The following DCAF8L2 variants were observed in gnomAD, a reference collection of about 807,000 sequenced individuals.
DCAF8L2 encodes the protein DDB1 and CUL4 associated factor 8 like 2, also known as DDB1- and CUL4-associated factor 8-like protein 2.
For synonymous variants in DCAF8L2, 200 were observed against 190.9 expected (o/e 1.05, Z -0.39); for missense variants, 430 against 490.7 (o/e 0.88, Z 1.17).
At chrX:27,581,968 AT>A in the DCAF8L2 span, among the ~76,000 whole-genome samples, 1 of 112,010 alleles carries the variant, frequency 8.9e-6, no homozygotes, top group Non-Finnish European at 1.9e-5. Context: ...GGTTTATTTT[AT>A]TTTGAGTCAC....
chrX:27,564,753 A>G, the DCAF8L2 span, among the ~76,000 whole-genome samples: 3 of 110,477 alleles, frequency 2.7e-5, no homozygotes, highest in Admixed American at 9.7e-5. Flanking sequence ...ATTCCTCTGT[A>G]AGAATACAGC....
the DCAF8L2 span, among the ~76,000 whole-genome samples, chrX:27,575,269 G>T: frequency 1.8e-5 from 2 of 111,341 alleles, no homozygotes; most frequent in Non-Finnish European, 1.9e-5. Flanking sequence ...AGCCATTTGT[G>T]TCTTCTTCCG....
At chrX:27,557,285 T>C in the DCAF8L2 span, among the ~76,000 whole-genome samples, 1 of 112,332 alleles carries the variant, frequency 8.9e-6, no homozygotes, top group Non-Finnish European at 1.9e-5. Flanking sequence ...ACTTTTAGTG[T>C]AGTCCTTTCT....
chrX:27,517,542 A>T, the DCAF8L2 span, among the ~76,000 whole-genome samples: 4 of 110,949 alleles, frequency 3.6e-5, no homozygotes, highest in Non-Finnish European at 5.7e-5. Flanking sequence ...AAGCAATGGA[A>T]CACCATTCTC....
At chrX:27,533,180 A>G in the DCAF8L2 span, among the ~76,000 whole-genome samples, 3,397 of 17,041 alleles carry the variant, frequency 0.2, 352 homozygotes, top group Non-Finnish European at 0.27. Flanking sequence ...GAAAGAAAGA[A>G]AGAAAGAAAG....
chrX:27,472,067 G>T, the DCAF8L2 span, among the ~76,000 whole-genome samples: 1 of 111,626 alleles, frequency 9.0e-6, no homozygotes, highest in Non-Finnish European at 1.9e-5. Flanking sequence ...TAAATATTCT[G>T]AGCTTTGATT....
At chrX:27,611,375 A>G (rs750570567) in intron 1 of DCAF8L2, among the ~76,000 whole-genome samples, 63 of 109,312 alleles carry the variant, frequency 5.8e-4, no homozygotes, top group African/African-American at 1.9e-3. Context: ...ATATATATAT[A>G]TATATATGCC....
chrX:27,711,398 CGTGTGTGT>C (rs10574517), intron 3 of DCAF8L2, among the ~76,000 whole-genome samples: 7 of 94,955 alleles, frequency 7.4e-5, no homozygotes, highest in Admixed American at 2.3e-4. Context: ...TGTGTGTGTA[CGTGTGTGT>C]GTGTGTGTGT....
intron 3 of DCAF8L2, among the ~76,000 whole-genome samples, chrX:27,687,923 T>C (rs2147250273): frequency 8.9e-6 from 1 of 112,241 alleles, no homozygotes; most frequent in African/African-American, 3.2e-5. Context: ...TTTGAGTCTA[T>C]ATTTTAATTA....
At chrX:27,703,008 C>T (rs1931188723) in intron 3 of DCAF8L2, among the ~76,000 whole-genome samples, 1 of 111,459 alleles carries the variant, frequency 9.0e-6, no homozygotes, top group African/African-American at 3.2e-5. Context: ...CTGAAGGATA[C>T]AAAACCAATA....
the DCAF8L2 span, among the ~76,000 whole-genome samples, chrX:27,558,941 GT>G: frequency 9.0e-6 from 1 of 110,597 alleles, no homozygotes; most frequent in Non-Finnish European, 1.9e-5. Context: ...GCCTGATATG[GT>G]TTGGCTCTGT....
chrX:27,596,782 A>G (rs944183926), intron 1 of DCAF8L2, among the ~76,000 whole-genome samples: 4 of 67,661 alleles, frequency 5.9e-5, no homozygotes, highest in Admixed American at 5.6e-4. Flanking sequence ...TTTGAGTATC[A>G]ATATTATTAT....
chrX:27,638,252 A>G (rs1207719582), intron 2 of DCAF8L2, among the ~76,000 whole-genome samples: 1 of 111,784 alleles, frequency 8.9e-6, no homozygotes, highest in Non-Finnish European at 1.9e-5. Context: ...AAGTATGGTA[A>G]TGGACTCAGA....
chrX:27,661,312 A>G (rs1007136650), intron 2 of DCAF8L2, among the ~76,000 whole-genome samples: 1 of 111,703 alleles, frequency 9.0e-6, no homozygotes, highest in Non-Finnish European at 1.9e-5. Flanking sequence ...TCCCTTCTCT[A>G]TGCTGCCATC....
the DCAF8L2 span, among the ~76,000 whole-genome samples, chrX:27,580,014 A>G: frequency 3.6e-5 from 4 of 110,232 alleles, no homozygotes; most frequent in African/African-American, 9.9e-5. Context: ...ATGTTTTTTT[A>G]AAATCACTCA....
At chrX:27,522,181 C>T in the DCAF8L2 span, among the ~76,000 whole-genome samples, 8 of 111,575 alleles carry the variant, frequency 7.2e-5, no homozygotes, top group Non-Finnish European at 1.5e-4. Context: ...GCGTGAACCA[C>T]CAGGCCCAGC....
At chrX:27,729,674 G>A (rs919568044) in intron 4 of DCAF8L2, among the ~76,000 whole-genome samples, 1 of 111,979 alleles carries the variant, frequency 8.9e-6, no homozygotes, top group East Asian at 2.8e-4. Flanking sequence ...GAAGGGAAAA[G>A]TTAGCTTTCT....
the DCAF8L2 span, among the ~76,000 whole-genome samples, chrX:27,475,117 T>G: frequency 4.5e-5 from 5 of 111,567 alleles, no homozygotes; most frequent in African/African-American, 1.6e-4. Flanking sequence ...TCACTTGATT[T>G]CACTTATAGC....
chrX:27,569,660 T>C, the DCAF8L2 span, among the ~76,000 whole-genome samples: 1 of 112,075 alleles, frequency 8.9e-6, no homozygotes, highest in Non-Finnish European at 1.9e-5. Context: ...GTAGAAAGTA[T>C]GCTTAATATA....
Sources: allele counts gnomAD v4.1 joint callset (sites outside exome capture counted in the v4.1 genomes callset), GRCh38; gene constraint gnomAD v4.1.1; transcripts MANE v1.5; gene names NCBI Gene and HGNC (gene_info 2026-07-23, HGNC 2026-07-21).